The following TMEM94 variants were observed in gnomAD, a reference collection of about 807,000 sequenced individuals.
The protein encoded by TMEM94 is transmembrane protein 94, also known as ER Mg2+ ATPase.
In TMEM94, 81 loss-of-function variants were observed where a neutral mutation model predicts 158.6. The observed-to-expected ratio is 0.51, with a 90% CI of 0.43 to 0.61. The LOEUF (loss-of-function observed/expected upper bound fraction) is 0.61, where lower values mean the gene tolerates loss of function less well. Ranked by LOEUF, TMEM94 falls within the 20% of genes least tolerant of loss-of-function variation. The probability of loss-of-function intolerance (pLI) is 0.00; values close to 1 mark genes in which losing one functional copy is unlikely to be tolerated. For synonymous variants in TMEM94, 751 were observed against 730.7 expected (o/e 1.03, Z -0.45); for missense variants, 1,435 against 1,762.0 (o/e 0.81, Z 3.32).
intron 1 of TMEM94, among the ~76,000 whole-genome samples, chr17:75,461,093 CTTTTTTTT>C (rs59878082): frequency 1.4e-5 from 1 of 69,636 alleles, no homozygotes; most frequent in Non-Finnish European, 2.7e-5. Context: ...TTGCGATTGG[CTTTTTTTT>C]TTTTTTTTTT....
At position 75,490,692 on chromosome 17, in the gene TMEM94, C is replaced by T. The variant is rs941067605; in HGVS notation, c.1072-10C>T. 9 of 1,613,856 alleles carry T rather than the reference C, an allele frequency of 5.6e-6. No individual in the cohort carries two copies. The highest frequency in any genetic ancestry group is 7.6e-6 in the Non-Finnish European group (9 of 1,179,776). ...TTCCTCACTGAGGACCTCACCCTCT[C>T]TCCGTGCAGCTGGCTAAGTTCTCAG... On this transcript the variant is annotated splice_polypyrimidine_tract_variant and intron_variant, in intron 10 of 31. Transcript: ENST00000314256.
At chr17:75,470,352 T>C (rs1026836453) in intron 1 of TMEM94, among the ~76,000 whole-genome samples, 1 of 151,484 alleles carries the variant, frequency 6.6e-6, no homozygotes, top group African/African-American at 2.4e-5. Context: ...TGGTGGCTCA[T>C]GCTTGTAATC....
Position 75,491,991 on chromosome 17 carries a change from G to A in TMEM94, c.1596+91G>A. The A allele has an allele frequency of 7.7e-7, 1 of 1,300,880 alleles. No individual in the cohort carries two copies. Among genetic ancestry groups the A allele is most frequent in the Non-Finnish European group, 1.1e-6 (1 of 930,812 alleles). The allele number at this position is 1,300,880 out of a possible 1,614,324, so 80.6% of individuals were successfully genotyped here. A position where few individuals can be genotyped will look rare whatever the true frequency, so the allele number is the denominator to read the frequency against. ...CAGCCTGGCCTCACAAGGTCTGAAA[G>A]AGCAGGCGTCTCTGCCCTCTGTCCC... is the stretch of plus-strand genomic sequence containing the variant. On this transcript the variant is annotated intron_variant, in intron 14 of 31. Transcript: ENST00000314256. The surrounding 1 kb of genome is among the most constrained non-coding windows in gnomAD (Gnocchi z 5.1).
At chr17:75,472,078 T>A (rs1422769766) in intron 2 of TMEM94, 149 bp downstream of exon 2, 1 of 693,342 alleles carries the variant, frequency 1.4e-6, no homozygotes, top group African/African-American at 1.8e-5. Flanking sequence ...GGGATGCGAC[T>A]GTGACCTCTT....
chr17:75,469,001 C>T (rs930829784), intron 1 of TMEM94, among the ~76,000 whole-genome samples: 1 of 152,088 alleles, frequency 6.6e-6, no homozygotes, highest in Non-Finnish European at 1.5e-5. Context: ...GTGACGGCTG[C>T]CAGGACGGGA....
At chr17:75,463,026 AAAAAAAAAAAAATATATATATATAT>A (rs2050132981) in intron 1 of TMEM94, among the ~76,000 whole-genome samples, 1 of 11,476 alleles carries the variant, frequency 8.7e-5, no homozygotes, top group African/African-American at 5.2e-4. Context: ...AAAAAAAAAA[AAAAAAAAAAAAATATATATATATAT>A]ATATATATAT....
In TMEM94 at chr17:75,485,999, G is replaced by T; in HGVS notation, c.272+1G>T. The T allele has an allele frequency of 6.3e-7, 1 of 1,598,876 alleles. No individual in the cohort carries two copies. The highest frequency in any genetic ancestry group is 8.5e-7 in the Non-Finnish European group (1 of 1,174,928). On this transcript the variant is annotated splice_donor_variant, in intron 4 of 31. Transcript: ENST00000314256. LOFTEE classifies it high-confidence loss of function. This position sits in a 1 kb window ranked among gnomAD's most constrained non-coding sequence, Gnocchi z 5.5. Reference sequence around the variant, plus strand: ...GCTGCGGGGGACAGCCAGCCGGGAGGTGTGCGCCCAGGGGCTGCTCCCCAA... The same window carrying T: ...GCTGCGGGGGACAGCCAGCCGGGAGTTGTGCGCCCAGGGGCTGCTCCCCAA...
intron 2 of TMEM94, among the ~76,000 whole-genome samples, chr17:75,476,199 T>C (rs919469924): frequency 1.3e-5 from 2 of 152,082 alleles, no homozygotes; most frequent in African/African-American, 4.8e-5. Flanking sequence ...TGTCCCAGGG[T>C]TCCCCTTGAT....
At chr17:75,463,937 T>C (rs2050197998) in intron 1 of TMEM94, among the ~76,000 whole-genome samples, 3 of 152,210 alleles carry the variant, frequency 2.0e-5, no homozygotes, top group Admixed American at 6.5e-5. Context: ...ATTAGTACCC[T>C]GTGGGCACAA....
intron 23 of TMEM94, 45 bp from the exon 24 acceptor site, chr17:75,496,237 T>C (rs2052669711): frequency 6.2e-7 from 1 of 1,611,796 alleles, no homozygotes; most frequent in African/African-American, 1.3e-5. Flanking sequence ...TGCCCAGTCC[T>C]GTGGGAGATA....
intron 1 of TMEM94, among the ~76,000 whole-genome samples, chr17:75,465,679 A>ATATATATATTTTTT (rs1247855961): frequency 0.018 from 2,279 of 123,768 alleles, 23 homozygotes; most frequent in Middle Eastern, 0.031. Context: ...ATATATATAT[A>ATATATATATTTTTT]TTTTTTTTTA....
rs756646794 is a variant in TMEM94, at chr17:75,485,842, A to G, written c.145-29A>G. Reference sequence around the variant, plus strand: ...CAGATTGGAGTGGGACAGGCCTCTCATTGTCCCCTCCCTGTCCGAACTTCC... The same window carrying G: ...CAGATTGGAGTGGGACAGGCCTCTCGTTGTCCCCTCCCTGTCCGAACTTCC... On this transcript the variant is annotated intron_variant, in intron 3 of 31. Coordinates refer to ENST00000314256, the MANE Select transcript of TMEM94 (RefSeq NM_014738.6). The surrounding 1 kb of genome is among the most constrained non-coding windows in gnomAD (Gnocchi z 5.5). 3.4e-5 allele frequency: 54 copies of G among 1,592,808 alleles called. No individual in the cohort carries two copies. Among genetic ancestry groups the G allele is most frequent in the Non-Finnish European group, 4.3e-5 (50 of 1,167,648 alleles).
chr17:75,494,044 C>T, intron 18 of TMEM94, 128 bp downstream of exon 18: 2 of 843,026 alleles, frequency 2.4e-6, no homozygotes, highest in South Asian at 3.5e-5. Context: ...GCCACAGCCC[C>T]AGGCTGGGAC....
intron 1 of TMEM94, among the ~76,000 whole-genome samples, chr17:75,467,575 G>GA (rs1214163548): frequency 1.4e-5 from 2 of 143,792 alleles, no homozygotes; most frequent in African/African-American, 2.6e-5. Flanking sequence ...GCCCAGGCCG[G>GA]ACTGCGGACT....
At chr17:75,460,693 T>C (rs1464299357) in intron 1 of TMEM94, among the ~76,000 whole-genome samples, 3 of 152,144 alleles carry the variant, frequency 2.0e-5, no homozygotes, top group East Asian at 1.9e-4. Context: ...TTGTATTTTT[T>C]ACAGAGACGG....
At chr17:75,470,548 A>G (rs2050457551) in intron 1 of TMEM94, among the ~76,000 whole-genome samples, 1 of 151,992 alleles carries the variant, frequency 6.6e-6, no homozygotes, top group Admixed American at 6.6e-5. Flanking sequence ...TACTAAAAAT[A>G]CAAAAAATTA....
chr17:75,476,430 C>A, intron 2 of TMEM94: 1 of 1,159,912 alleles, frequency 8.6e-7, no homozygotes, highest in Non-Finnish European at 1.1e-6. Context: ...TCTCCCCTCC[C>A]TCCCGCCCTT....
chr17:75,460,390 C>G (rs1018359691), intron 1 of TMEM94, among the ~76,000 whole-genome samples: 1 of 152,114 alleles, frequency 6.6e-6, no homozygotes, highest in African/African-American at 2.4e-5. Context: ...AAGATGTATG[C>G]TGGACAAAGA....
At chr17:75,476,172 G>T (rs1734174309) in intron 2 of TMEM94, among the ~76,000 whole-genome samples, 1 of 152,166 alleles carries the variant, frequency 6.6e-6, no homozygotes, top group Admixed American at 6.6e-5. Flanking sequence ...AGTTTGGGAA[G>T]AGAGCTGGGA....
Sources: gnomAD v4.1 joint callset for allele counts (sites outside exome capture counted in the v4.1 genomes callset) on GRCh38, gnomAD v4.1.1 for gene constraint, Gnocchi (gnomAD v3.1) non-coding constraint, MANE v1.5 for transcripts, NCBI Gene and HGNC (gene_info 2026-07-23, HGNC 2026-07-21) for gene names.